COL9A3: variants seen among roughly 807,000 people sequenced by gnomAD.
The protein encoded by COL9A3 is collagen alpha-3(IX) chain.
In COL9A3, 82 loss-of-function variants were observed where a neutral mutation model predicts 110.2. The ratio of observed to expected loss-of-function variants is 0.74; its 90% confidence interval spans 0.62 to 0.89. COL9A3 has a LOEUF of 0.89. Among genes scored for constraint, COL9A3 ranks in the 40% least tolerant of loss-of-function variants. The probability of loss-of-function intolerance (pLI) is 0.00; values close to 1 mark genes in which losing one functional copy is unlikely to be tolerated. For synonymous variants in COL9A3, 494 were observed against 403.8 expected (o/e 1.22, Z -2.68); for missense variants, 1,066 against 981.3 (o/e 1.09, Z -1.15).
intron 20 of COL9A3, 37 bp from the exon 21 acceptor site, chr20:62,829,591 G>T: frequency 6.2e-7 from 1 of 1,610,652 alleles, no homozygotes; most frequent in South Asian, 1.1e-5. Context: ...CCCAGTGCAG[G>T]TGTAGGCAGG....
Position 62,837,794 on chromosome 20 carries a change from G to A in COL9A3, c.1786+529G>A, listed in dbSNP as rs986382783. On this transcript the variant is annotated intron_variant, in intron 30 of 31. Coordinates refer to ENST00000649368, the MANE Select transcript of COL9A3 (RefSeq NM_001853.4). ...TGCACTCCAGCTTGGGCGACAGAGC[G>A]AGACTCCGTCTCCATAAAAGAAAAA... is the stretch of plus-strand genomic sequence containing the variant. Among the ~76,000 whole-genome samples the A allele has an allele frequency of 1.5e-4, 22 of 150,162 alleles. 1 individual carries two copies. The highest frequency in any genetic ancestry group is 1.1e-3 in the South Asian group (5 of 4,738).
At chr20:62,822,261 C>T (rs780551297) in intron 9 of COL9A3, 97 bp downstream of exon 9, 29 of 808,492 alleles carry the variant, frequency 3.6e-5, no homozygotes, top group Non-Finnish European at 5.1e-5. Context: ...CATGCCCCTC[C>T]GAGATCTCCT....
intron 2 of COL9A3, 45 bp from the exon 3 acceptor site, chr20:62,818,473 G>A (rs1359750554): frequency 6.3e-7 from 1 of 1,594,610 alleles, no homozygotes; most frequent in Non-Finnish European, 8.6e-7. Flanking sequence ...GGTTCTTGAG[G>A]GACCCCTGAT....
chr20:62,816,743 C>G (rs1379031124), upstream of COL9A3, among the ~76,000 whole-genome samples: 3 of 152,202 alleles, frequency 2.0e-5, no homozygotes, highest in African/African-American at 4.8e-5. Context: ...CGCCCCCACA[C>G]TCGGGTTGAG....
chr20:62,819,393 C>A, intron 4 of COL9A3, 100 bp downstream of exon 4: 3 of 1,183,944 alleles, frequency 2.5e-6, no homozygotes, highest in South Asian at 2.6e-5. Flanking sequence ...CCTGCTCAGG[C>A]GGGAAGCCCA....
intron 30 of COL9A3, 29 bp downstream of exon 30, chr20:62,837,294 CCCT>C (rs2063644727): frequency 6.2e-7 from 1 of 1,601,366 alleles, no homozygotes; most frequent in Admixed American, 1.7e-5. Context: ...GACACGGTCA[CCCT>C]GCTGTAAAAA....
At chr20:62,819,549 A>G (rs1991051441) in intron 4 of COL9A3, among the ~76,000 whole-genome samples, 1 of 151,948 alleles carries the variant, frequency 6.6e-6, no homozygotes, top group African/African-American at 2.4e-5. Context: ...ATGAGTGCCC[A>G]TTGTCAGGAC....
At chr20:62,838,404 A>T (rs941473886) in intron 30 of COL9A3, among the ~76,000 whole-genome samples, 9 of 152,198 alleles carry the variant, frequency 5.9e-5, no homozygotes, top group African/African-American at 2.2e-4. Flanking sequence ...AACACGGGAA[A>T]GGAATGGTAA....
At chr20:62,832,637 T>C (rs2063605284) in intron 25 of COL9A3, among the ~76,000 whole-genome samples, 1 of 117,590 alleles carries the variant, frequency 8.5e-6, no homozygotes, top group Non-Finnish European at 2.0e-5. Context: ...AGCACTCTTC[T>C]TTTTGGAAAA....
rs751398771 is a variant in COL9A3, at chr20:62,821,214, G to C, written c.343G>C (p.Gly115Arg). 64 of 1,613,326 alleles carry C rather than the reference G, an allele frequency of 4.0e-5. No individual in the cohort carries two copies. Among genetic ancestry groups the C allele is most frequent in the Admixed American group, 1.7e-4 (10 of 59,986 alleles). The stretch of plus-strand genomic sequence containing the variant: ...GGGACCCCCGGGGCCGCCCGGGCTG[G>C]GGGTGAGTATGGAGTGTGGTCCTCT... ...SLGPPGPPGL[G>R]GKGLPGPPGE... The change falls in exon 6 of 32, where the codon GGG becomes CGG. Residue 115 changes from glycine (G) to arginine (R), a missense_variant and splice_region_variant. Physicochemically the swap from Gly to Arg is moderately radical, Grantham distance 125 (BLOSUM62 -2). Coordinates refer to ENST00000649368, the MANE Select transcript of COL9A3 (RefSeq NM_001853.4).
chr20:62,837,120 T>C lies in COL9A3; in HGVS notation c.1641T>C (p.Pro547=). 2 of 1,613,536 alleles carry C rather than the reference T, an allele frequency of 1.2e-6. No individual in the cohort carries two copies. The highest frequency in any genetic ancestry group is 2.2e-5 in the South Asian group (2 of 91,078). The change falls in exon 30 of 32, where the codon CCT becomes CCC. Residue 547 remains proline (P), a synonymous_variant. Transcript: ENST00000649368. ...AGTTAGCCGCGCACCTAAGGAAGCC[T>C]TTGGCACCCGGGTCCATTGGTCGGC... The part of the protein sequence containing the change: ...IAQLAAHLRK[P]LAPGSIGRPG...
chr20:62,829,601 G>A (rs199561122), intron 20 of COL9A3, 27 bp from the exon 21 acceptor site: 1 of 1,610,138 alleles, frequency 6.2e-7, no homozygotes, highest in South Asian at 1.1e-5. Flanking sequence ...GTGTAGGCAG[G>A]CACTCACAGC....
intron 4 of COL9A3, among the ~76,000 whole-genome samples, chr20:62,819,594 GGGCTCCAGGCCT>G: frequency 1.3e-5 from 2 of 152,306 alleles, no homozygotes; most frequent in Admixed American, 1.3e-4. Context: ...TAGTCATCTT[GGGCTCCAGGCCT>G]GGCCCCAGGG....
rs751776191 is a variant in COL9A3, at chr20:62,821,782, C to A, written c.395C>A (p.Pro132Gln). The A allele has an allele frequency of 4.3e-6, 7 of 1,610,310 alleles. 1 individual carries two copies. The South Asian group carries it at 5.5e-5, about 13-fold the overall frequency. Residue 132 changes from proline (P) to glutamine (Q), a missense_variant, in exon 8 of 32, where the codon CCA becomes CAA. Coordinates refer to ENST00000649368, the MANE Select transcript of COL9A3 (RefSeq NM_001853.4). ...PPGEAGVSGP[P>Q]GGIGLRGPPG... is the part of the protein sequence containing the mutation. Reference sequence around the variant, plus strand: ...GGAGAGGCAGGAGTGAGCGGCCCCCCAGGTGGGATCGGCCTCCGCGGCCCC... The same window carrying A: ...GGAGAGGCAGGAGTGAGCGGCCCCCAAGGTGGGATCGGCCTCCGCGGCCCC...
At chr20:62,829,936 A>G in intron 22 of COL9A3, 117 bp downstream of exon 22, 3 of 1,328,698 alleles carry the variant, frequency 2.3e-6, no homozygotes, top group Non-Finnish European at 3.1e-6. Context: ...AGGCCCACAA[A>G]AGCCTAGGAT....
At position 62,828,032 on chromosome 20, in the gene COL9A3, A is replaced by G. The variant is rs2063568386; in HGVS notation, c.900+56A>G. ...CCTCCCCCGGGTCCTGGGTATGTAC[A>G]GGTGGAGATGGCATTCAGAAGGGCT... On this transcript the variant is annotated intron_variant, in intron 17 of 31. Coordinates refer to ENST00000649368, the MANE Select transcript of COL9A3 (RefSeq NM_001853.4). The G allele has an allele frequency of 3.2e-6, 5 of 1,581,224 alleles. No homozygotes were observed. The Admixed American group carries it at 8.4e-5, about 26-fold the overall frequency.
chr20:62,833,132 A>T (rs2063609488), intron 26 of COL9A3, 68 bp downstream of exon 26: 1 of 1,311,024 alleles, frequency 7.6e-7, no homozygotes, highest in Non-Finnish European at 1.1e-6. Context: ...GCTGGGGAAC[A>T]GTCCTGGGGA....
chr20:62,840,488 C>A, intron 31 of COL9A3, 54 bp from the exon 32 acceptor site: 1 of 1,511,430 alleles, frequency 6.6e-7, no homozygotes, highest in South Asian at 1.1e-5. Context: ...ATGTCAAGTC[C>A]CCCTGCTTTC....
chr20:62,823,802 G>C (rs918675481), intron 10 of COL9A3, among the ~76,000 whole-genome samples: 2 of 152,258 alleles, frequency 1.3e-5, no homozygotes, highest in Admixed American at 6.5e-5. Context: ...GGCCCGACCT[G>C]AGGCTGCTGC....
Sources: allele counts gnomAD v4.1 joint callset (sites outside exome capture counted in the v4.1 genomes callset), GRCh38; gene constraint gnomAD v4.1.1; transcripts MANE v1.5; gene names NCBI Gene and HGNC (gene_info 2026-07-23, HGNC 2026-07-21).